PECAM1: variants seen among roughly 807,000 people sequenced by gnomAD.
PECAM1 encodes the protein platelet endothelial cell adhesion molecule.
Under a neutral mutation model 13.8 loss-of-function variants are expected in PECAM1, and 8 were observed. The ratio of observed to expected loss-of-function variants is 0.58; its 90% CI spans 0.34 to 1.05. The LOEUF (loss-of-function observed/expected upper bound fraction) is 1.05. PECAM1 is among the 50% of genes least tolerant of loss of function. The probability of loss-of-function intolerance (pLI) is 0.03; values close to 1 mark genes in which losing one functional copy is unlikely to be tolerated. For synonymous variants in PECAM1, 136 were observed against 52.6 expected, an observed-to-expected ratio of 2.58 and a Z score of -6.86; for missense variants, 304 against 141.2, an observed-to-expected ratio of 2.15 and a Z score of -5.84.
chr17:64,374,920 T>A lies in PECAM1; in HGVS notation c.691+131A>T, dbSNP rs969474890. The A allele has an allele frequency of 1.2e-5, 5 of 409,904 alleles. No individual in the cohort carries two copies. In the Admixed American group the frequency reaches 2.2e-4, roughly 18 times the overall value. The allele number at this position is 409,904 out of a possible 1,614,324, so 25.4% of individuals were successfully genotyped here. The stretch of plus-strand genomic sequence containing the variant: ...ATAACAGTCAAAAAAGCTTGAAAAA[T>A]ACTGGCTTAAAATGATTAAGAACAG... On this transcript the variant is annotated intron_variant, in intron 4 of 15. Coordinates refer to ENST00000563924, the MANE Select transcript of PECAM1 (RefSeq NM_000442.5).
chr17:64,327,470 A>T (rs1303325795), intron 15 of PECAM1, among the ~76,000 whole-genome samples: 1 of 152,154 alleles, frequency 6.6e-6, no homozygotes, highest in Non-Finnish European at 1.5e-5. Context: ...CCATCCCCTG[A>T]TCCTAGCACC....
At chr17:64,379,626 C>T (rs1226905601) in intron 2 of PECAM1, among the ~76,000 whole-genome samples, 2 of 152,116 alleles carry the variant, frequency 1.3e-5, no homozygotes, top group African/African-American at 4.8e-5. Flanking sequence ...TTGTCTTTTC[C>T]AAGCACATGA....
At chr17:64,359,984 C>T (rs2035935824) in intron 7 of PECAM1, among the ~76,000 whole-genome samples, 156 bp downstream of exon 7, 1 of 152,096 alleles carries the variant, frequency 6.6e-6, no homozygotes, top group Middle Eastern at 3.2e-3. Context: ...AACTCCTGGC[C>T]TCAATGATTC....
intron 4 of PECAM1, among the ~76,000 whole-genome samples, chr17:64,371,056 CT>C (rs2036227199): frequency 6.6e-6 from 1 of 152,096 alleles, no homozygotes. Context: ...TCTGGGGAAC[CT>C]TAATAATAGC....
At position 64,352,478 on chromosome 17, in the gene PECAM1, TA is replaced by T; in HGVS notation, c.1917-16del. 1 of 471,812 alleles carries T rather than the reference TA, an allele frequency of 2.1e-6. No individual in the cohort carries two copies. The highest frequency in any genetic ancestry group is 7.0e-5 in the South Asian group (1 of 14,336). The allele number at this position is 471,812 out of a possible 1,614,324, so 29.2% of individuals were successfully genotyped here. A position where few individuals can be genotyped will look rare whatever the true frequency, so the allele number is the denominator to read the frequency against. ...GTACTGCTGGCCTTAAAATGAAATA[TA>T]AAAACAGAAAACAATATATAGATAT... On this transcript the variant is annotated splice_polypyrimidine_tract_variant and intron_variant, in intron 10 of 15. Coordinates refer to ENST00000563924, the MANE Select transcript of PECAM1 (RefSeq NM_000442.5).
intron 5 of PECAM1, among the ~76,000 whole-genome samples, chr17:64,368,440 T>C (rs1331038192): frequency 1.3e-5 from 2 of 152,118 alleles, no homozygotes; most frequent in Non-Finnish European, 2.9e-5. Context: ...TCTACCCCCT[T>C]GGTAACCCTG....
rs2035842611 is a variant in PECAM1, at chr17:64,356,233, G to A, written c.1658C>T (p.Thr553Ile). ...CTTCTGCTTGGTCCAAAATGCCTGG[G>A]TGGCATTTGAGGTCATTTGATAGAA... ...KPFYQMTSNA[T>I]QAFWTKQKAS... is the part of the protein sequence containing the mutation. The change falls in exon 8 of 16, where the codon ACC becomes ATC. Residue 553 changes from threonine (T) to isoleucine (I), a missense_variant. Physicochemically the swap from Thr to Ile is moderately conservative, Grantham distance 89 (BLOSUM62 -1). Transcript: ENST00000563924. 4.2e-6 allele frequency: 2 copies of A among 474,768 alleles called. No homozygotes were observed. The highest frequency in any genetic ancestry group is 7.7e-6 in the Non-Finnish European group (2 of 259,030). The allele number at this position is 474,768 out of a possible 1,614,324, so 29.4% of individuals were successfully genotyped here.
rs782743507 is a variant in PECAM1 at position 64,329,713 on chromosome 17, T to G, written c.2174A>C (p.Glu725Ala). ...EVRKAVPDAV[E>A]SRYSRTEGSL... ...ATGTGTACTTACAGAGTATCTGCTTTCCACGGCATCTACAAAACAAAGGAT... is the reference window on the plus strand; with the variant it reads ...ATGTGTACTTACAGAGTATCTGCTTGCCACGGCATCTACAAAACAAAGGAT... The change falls in exon 15 of 16, where the codon GAA becomes GCA. Residue 725 changes from glutamate (E) to alanine (A), a missense_variant. Physicochemically the swap from Glu to Ala is moderately radical, Grantham distance 107. Transcript: ENST00000563924. 5.2e-6 allele frequency: 4 copies of G among 769,176 alleles called. No individual in the cohort carries two copies. In the East Asian group the frequency reaches 7.3e-5, roughly 14 times the overall value. The allele number at this position is 769,176 out of a possible 1,614,324, so 47.6% of individuals were successfully genotyped here. A position where few individuals can be genotyped will look rare whatever the true frequency, so the allele number is the denominator to read the frequency against.
intron 2 of PECAM1, among the ~76,000 whole-genome samples, chr17:64,389,770 G>A (rs1445424222): frequency 3.3e-5 from 5 of 152,110 alleles, no homozygotes; most frequent in South Asian, 2.1e-4. Flanking sequence ...ATGTGAGGCC[G>A]GGCGCGGTGG....
rs1567996119 is a variant in PECAM1, at chr17:64,323,645, TA to T, written c.*170del. ...CTCTGTATCTCTTTCTACCCAACATTAACTTAGCAGGATGGATTTAAGAACC... is the reference window on the plus strand; with the variant it reads ...CTCTGTATCTCTTTCTACCCAACATTACTTAGCAGGATGGATTTAAGAACC... On this transcript the variant is annotated 3_prime_UTR_variant, in exon 16 of 16. Coordinates refer to ENST00000563924, the MANE Select transcript of PECAM1 (RefSeq NM_000442.5). The T allele has an allele frequency of 6.8e-7, 1 of 1,473,786 alleles. No individual in the cohort carries two copies. Among genetic ancestry groups the T allele is most frequent in the Non-Finnish European group, 9.0e-7 (1 of 1,114,452 alleles). The allele number at this position is 1,473,786 out of a possible 1,614,324, so 91.3% of individuals were successfully genotyped here.
At position 64,321,746 on chromosome 17, in the gene PECAM1, GC is replaced by G. The variant is rs1567993711; in HGVS notation, c.*2069del. ...ACTGCACTCCAGCCTGGGCAACAGA[GC>G]AAGCCCCTGTCTCAACAAAACAAAA... On this transcript the variant is annotated 3_prime_UTR_variant, in exon 16 of 16. Coordinates refer to ENST00000563924, the MANE Select transcript of PECAM1 (RefSeq NM_000442.5). 1 of 1,240,554 alleles carries G rather than the reference GC, an allele frequency of 8.1e-7. No homozygotes were observed. The highest frequency in any genetic ancestry group is 1.5e-5 in the African/African-American group (1 of 65,500). The allele number at this position is 1,240,554 out of a possible 1,614,324, so 76.8% of individuals were successfully genotyped here.
intron 6 of PECAM1, among the ~76,000 whole-genome samples, chr17:64,361,305 C>G (rs1454934793): frequency 6.6e-6 from 1 of 151,960 alleles, no homozygotes; most frequent in Non-Finnish European, 1.5e-5. Flanking sequence ...GCCACCACAC[C>G]CGGCTAACTT....
intron 15 of PECAM1, among the ~76,000 whole-genome samples, chr17:64,328,122 G>A (rs2035007690): frequency 6.6e-6 from 1 of 152,186 alleles, no homozygotes. Flanking sequence ...GAGGCCCAAG[G>A]GCCAGCTTCT....
intron 15 of PECAM1, among the ~76,000 whole-genome samples, chr17:64,326,991 G>A (rs941690526): frequency 6.6e-6 from 1 of 152,224 alleles, no homozygotes; most frequent in East Asian, 1.9e-4. Flanking sequence ...CAACAACCAA[G>A]TGAGGGAGTT....
chr17:64,356,028 C>G, intron 8 of PECAM1, 83 bp downstream of exon 8: 1 of 472,952 alleles, frequency 2.1e-6, no homozygotes, highest in Non-Finnish European at 3.9e-6. Context: ...GACTCCCCCC[C>G]AACTCCCTCT....
At chr17:64,350,754 A>G (rs1184833055) in intron 11 of PECAM1, among the ~76,000 whole-genome samples, 1 of 148,536 alleles carries the variant, frequency 6.7e-6, no homozygotes, top group African/African-American at 2.5e-5. Flanking sequence ...CGATTCTCCT[A>G]GTCTCGCTTT....
At chr17:64,366,691 G>A (rs1241520759) in intron 5 of PECAM1, among the ~76,000 whole-genome samples, 1 of 151,596 alleles carries the variant, frequency 6.6e-6, no homozygotes, top group Non-Finnish European at 1.5e-5. Context: ...GGATGAAATT[G>A]GAAATCATCA....
At chr17:64,348,816 G>A (rs2035644908) in intron 12 of PECAM1, among the ~76,000 whole-genome samples, 2 of 152,176 alleles carry the variant, frequency 1.3e-5, no homozygotes, top group African/African-American at 4.8e-5. Flanking sequence ...TTCGGGATGA[G>A]GAAGGGAGTA....
chr17:64,359,102 T>C (rs1377971845), intron 7 of PECAM1, among the ~76,000 whole-genome samples: 7 of 152,112 alleles, frequency 4.6e-5, no homozygotes, highest in African/African-American at 1.7e-4. Flanking sequence ...CCAGCCTATG[T>C]TAATGTTAAT....
Sources: gnomAD v4.1 joint callset for allele counts (sites outside exome capture counted in the v4.1 genomes callset) on GRCh38, gnomAD v4.1.1 for gene constraint, MANE v1.5 for transcripts, NCBI Gene and HGNC (gene_info 2026-07-23, HGNC 2026-07-21) for gene names.